The following KIFAP3 variants were observed in gnomAD, a reference collection of about 807,000 sequenced individuals.
KIFAP3 encodes the protein kinesin associated protein 3, also known as kinesin-associated protein 3.
KIFAP3 carries 68 observed loss-of-function variants against 106.5 expected under a neutral mutation model. That is an observed-to-expected ratio of 0.64 (90% CI 0.53 to 0.78). The LOEUF is 0.78. Among genes scored for constraint, KIFAP3 ranks in the 30% least tolerant of loss-of-function variants. KIFAP3 has a pLI of 0.00. For missense variants in KIFAP3, 780 were observed against 941.8 expected (o/e 0.83, Z 2.25); for synonymous variants, 320 against 311.5 (o/e 1.03, Z -0.29).
chr1:170,041,380 G>A lies in KIFAP3; in HGVS notation c.320-2092C>T, dbSNP rs185881247. Among the ~76,000 whole-genome samples, 13 of 152,248 alleles carry A rather than the reference G, an allele frequency of 8.5e-5. No homozygotes were observed. In the East Asian group the frequency reaches 2.5e-3, roughly 29 times the overall value. ...GCACCAGCTGGGCACAGTGGCTCAT[G>A]CCTGCAATCCCAGCACTTTGGGAGG... On this transcript the variant is annotated intron_variant, in intron 3 of 19. Coordinates refer to ENST00000361580, the MANE Select transcript of KIFAP3 (RefSeq NM_014970.4).
intron 10 of KIFAP3, among the ~76,000 whole-genome samples, chr1:170,003,866 C>T (rs1018996638): frequency 3.9e-5 from 6 of 152,192 alleles, no homozygotes; most frequent in Admixed American, 2.6e-4. Context: ...CCAGGGCAAT[C>T]AGGCAGGAGA....
At chr1:170,063,541 A>G (rs1394866420) in intron 1 of KIFAP3, among the ~76,000 whole-genome samples, 1 of 152,124 alleles carries the variant, frequency 6.6e-6, no homozygotes, top group Non-Finnish European at 1.5e-5. Flanking sequence ...TGTATGAGTA[A>G]CACTCCCACC....
upstream of KIFAP3, among the ~76,000 whole-genome samples, chr1:170,075,439 C>T (rs763382426): frequency 6.6e-6 from 1 of 152,184 alleles, no homozygotes; most frequent in African/African-American, 2.4e-5. Flanking sequence ...CTCTACTCCC[C>T]CTGCTCACCT....
At chr1:169,939,508 T>C (rs1396370243) in intron 19 of KIFAP3, among the ~76,000 whole-genome samples, 1 of 152,186 alleles carries the variant, frequency 6.6e-6, no homozygotes, top group Admixed American at 6.6e-5. Context: ...AGGATGGTGC[T>C]GAGAGGACAA....
intron 3 of KIFAP3, among the ~76,000 whole-genome samples, chr1:170,043,801 A>T (rs1169093327): frequency 1.3e-5 from 2 of 152,222 alleles, no homozygotes; most frequent in Non-Finnish European, 2.9e-5. Flanking sequence ...ACAGTTATTA[A>T]GAAATTGAAT....
intron 19 of KIFAP3, among the ~76,000 whole-genome samples, chr1:169,947,761 A>G (rs929206117): frequency 2.0e-5 from 3 of 151,880 alleles, no homozygotes; most frequent in Non-Finnish European, 4.4e-5. Context: ...TTATGCTATC[A>G]AAACATCATA....
At chr1:169,994,020 C>A (rs966895774) in intron 10 of KIFAP3, among the ~76,000 whole-genome samples, 1 of 152,184 alleles carries the variant, frequency 6.6e-6, no homozygotes, top group Non-Finnish European at 1.5e-5. Context: ...TCCCCAGATG[C>A]AAGAATAGTA....
At chr1:169,993,612 T>TTTCA (rs879563943) in intron 10 of KIFAP3, among the ~76,000 whole-genome samples, 2,820 of 126,772 alleles carry the variant, frequency 0.022, 1,410 homozygotes, top group Middle Eastern at 0.046. Context: ...TCCCAGGGTC[T>TTTCA]AGCAAGCTTC....
intron 17 of KIFAP3, among the ~76,000 whole-genome samples, chr1:169,965,612 C>T (rs1245577619): frequency 6.6e-6 from 1 of 151,982 alleles, no homozygotes; most frequent in Non-Finnish European, 1.5e-5. Context: ...GTTATCATTT[C>T]ACACCCTCTT....
intron 1 of KIFAP3, among the ~76,000 whole-genome samples, chr1:170,065,399 G>A (rs1240651236): frequency 6.6e-6 from 1 of 151,914 alleles, no homozygotes; most frequent in Admixed American, 6.6e-5. Context: ...GGATCATGAG[G>A]TCAGGAGATC....
At chr1:170,041,672 C>A (rs761568552) in intron 3 of KIFAP3, 1 of 1,534,028 alleles carries the variant, frequency 6.5e-7, no homozygotes, top group Non-Finnish European at 8.7e-7. Context: ...CAAGGCATTA[C>A]CGACCTTCAC....
intron 19 of KIFAP3, among the ~76,000 whole-genome samples, chr1:169,935,735 GATAA>G (rs1397049182): frequency 6.6e-6 from 1 of 151,724 alleles, no homozygotes; most frequent in African/African-American, 2.4e-5. Context: ...TAAGAATCAA[GATAA>G]ATACACACAG....
intron 19 of KIFAP3, among the ~76,000 whole-genome samples, chr1:169,938,987 G>T (rs1663959432): frequency 6.6e-6 from 1 of 152,168 alleles, no homozygotes; most frequent in Non-Finnish European, 1.5e-5. Context: ...ATGTAGATAA[G>T]TGTCAAATAA....
intron 10 of KIFAP3, among the ~76,000 whole-genome samples, chr1:170,009,798 T>A (rs1318145258): frequency 6.6e-6 from 1 of 152,086 alleles, no homozygotes; most frequent in Non-Finnish European, 1.5e-5. Flanking sequence ...TTGAGACATA[T>A]CAATGTCAAA....
intron 10 of KIFAP3, among the ~76,000 whole-genome samples, chr1:170,016,029 A>C (rs1240527372): frequency 2.0e-5 from 3 of 152,214 alleles, no homozygotes; most frequent in Admixed American, 1.3e-4. Flanking sequence ...TCTATTAAAA[A>C]AAATATACCC....
intron 16 of KIFAP3, 134 bp from the exon 17 acceptor site, chr1:169,972,732 A>G: frequency 2.0e-6 from 1 of 511,294 alleles, no homozygotes; most frequent in Non-Finnish European, 3.4e-6. Context: ...AAAATCATTA[A>G]TACAAGATGA....
At chr1:169,935,756 C>T (rs900510858) in intron 19 of KIFAP3, among the ~76,000 whole-genome samples, 3 of 152,036 alleles carry the variant, frequency 2.0e-5, no homozygotes, top group African/African-American at 7.2e-5. Flanking sequence ...ACAGATTTTA[C>T]ATATACCCAT....
chr1:169,989,893 T>C (rs1667014440), intron 11 of KIFAP3, among the ~76,000 whole-genome samples: 1 of 152,030 alleles, frequency 6.6e-6, no homozygotes, highest in Non-Finnish European at 1.5e-5. Context: ...AAAGTTATGG[T>C]CTATTTTTTA....
At chr1:170,074,310 A>T in intron 1 of KIFAP3, 126 bp downstream of exon 1, 1 of 1,125,684 alleles carries the variant, frequency 8.9e-7, no homozygotes, top group Non-Finnish European at 1.3e-6. Flanking sequence ...CCTTTCGGTG[A>T]CTTCTCTCCC....
Sources: gnomAD v4.1 joint callset for allele counts (sites outside exome capture counted in the v4.1 genomes callset) on GRCh38, gnomAD v4.1.1 for gene constraint, MANE v1.5 for transcripts, NCBI Gene and HGNC (gene_info 2026-07-23, HGNC 2026-07-21) for gene names.